DOCK4: variants seen among roughly 807,000 people sequenced by gnomAD.
DOCK4 encodes dedicator of cytokinesis protein 4.
DOCK4 carries 97 observed loss-of-function variants against 268.1 expected under a neutral mutation model. The observed-to-expected ratio is 0.36, with a 90% CI of 0.31 to 0.43. The LOEUF is 0.43. Ranked by LOEUF, DOCK4 falls within the 20% of genes least tolerant of loss-of-function variation. The probability of loss-of-function intolerance (pLI) is 1.00; values close to 1 mark genes in which losing one functional copy is unlikely to be tolerated. For synonymous variants in DOCK4, 954 were observed against 887.2 expected, an observed-to-expected ratio of 1.08 and a Z score of -1.34; for missense variants, 2,145 against 2,455.7, an observed-to-expected ratio of 0.87 and a Z score of 2.67.
intron 36 of DOCK4, among the ~76,000 whole-genome samples, chr7:111,774,150 AAC>A (rs1285869770): frequency 2.0e-5 from 3 of 152,304 alleles, no homozygotes; most frequent in East Asian, 1.9e-4. Context: ...ATTAATAAAA[AAC>A]AGTTTGATAG....
intron 26 of DOCK4, among the ~76,000 whole-genome samples, chr7:111,826,024 G>A (rs1802360966): frequency 1.3e-5 from 2 of 152,220 alleles, no homozygotes; most frequent in African/African-American, 4.8e-5. Context: ...CATGCAGCAG[G>A]TGTTTATGGA....
chr7:112,012,630 A>T (rs1801437381), intron 1 of DOCK4, among the ~76,000 whole-genome samples: 1 of 152,204 alleles, frequency 6.6e-6, no homozygotes, highest in Non-Finnish European at 1.5e-5. Flanking sequence ...TTTCCAACCA[A>T]TTGTACTTAA....
chr7:112,182,408 T>C (rs1819135815), intron 1 of DOCK4, among the ~76,000 whole-genome samples: 1 of 152,218 alleles, frequency 6.6e-6, no homozygotes. Flanking sequence ...GTGATCACAT[T>C]TTTAAAATTA....
chr7:112,196,664 G>T (rs1280198723), intron 1 of DOCK4, among the ~76,000 whole-genome samples: 1 of 152,072 alleles, frequency 6.6e-6, no homozygotes, highest in East Asian at 1.9e-4. Flanking sequence ...AGGGGCAATG[G>T]GTCTTCCTGT....
chr7:112,154,841 G>A (rs1275880026), intron 1 of DOCK4, among the ~76,000 whole-genome samples: 1 of 152,122 alleles, frequency 6.6e-6, no homozygotes, highest in South Asian at 2.1e-4. Context: ...GCCAGGCTAC[G>A]GGCATGCAAT....
intron 28 of DOCK4, among the ~76,000 whole-genome samples, chr7:111,810,158 A>G (rs536731481): frequency 1.9e-4 from 29 of 152,348 alleles, no homozygotes; most frequent in African/African-American, 6.7e-4. Context: ...AATAATGAAT[A>G]AAAGTCAAGA....
chr7:111,857,695 T>A (rs1805124368), intron 23 of DOCK4, among the ~76,000 whole-genome samples: 1 of 152,136 alleles, frequency 6.6e-6, no homozygotes, highest in African/African-American at 2.4e-5. Flanking sequence ...CTCTAGCAGA[T>A]CTGACCTCGC....
intron 1 of DOCK4, among the ~76,000 whole-genome samples, chr7:112,007,479 T>C (rs1321863094): frequency 2.0e-5 from 3 of 152,210 alleles, no homozygotes; most frequent in East Asian, 1.9e-4. Context: ...TTTCAGGCTA[T>C]AGTTCAAGGA....
chr7:111,840,347 T>A (rs1030632917), intron 25 of DOCK4, among the ~76,000 whole-genome samples: 5 of 152,170 alleles, frequency 3.3e-5, no homozygotes, highest in Admixed American at 3.3e-4. Context: ...CCCAGAAGAA[T>A]CACATGCTCC....
intron 1 of DOCK4, among the ~76,000 whole-genome samples, chr7:112,114,984 C>A (rs1026010717): frequency 1.3e-5 from 2 of 152,168 alleles, no homozygotes; most frequent in African/African-American, 4.8e-5. Flanking sequence ...CTACTAAAGA[C>A]CATTAAAACC....
At chr7:111,900,340 T>C (rs758270577) in intron 15 of DOCK4, 34 bp downstream of exon 15, 31 of 1,604,664 alleles carry the variant, frequency 1.9e-5, no homozygotes, top group South Asian at 1.6e-4. Context: ...TCCAGCACAA[T>C]AGACACAGGT....
intron 1 of DOCK4, among the ~76,000 whole-genome samples, chr7:112,043,392 T>C (rs571211880): frequency 1.3e-5 from 2 of 152,350 alleles, no homozygotes; most frequent in African/African-American, 4.8e-5. Context: ...TTACTTGTTT[T>C]GATTAGTACA....
At chr7:111,763,884 G>A (rs779092415) in intron 39 of DOCK4, among the ~76,000 whole-genome samples, 5 of 152,094 alleles carry the variant, frequency 3.3e-5, no homozygotes, top group South Asian at 2.1e-4. Context: ...CATTTTCTGG[G>A]GGTCTTGCTC....
chr7:111,762,034 G>T (rs1435106816), intron 39 of DOCK4, among the ~76,000 whole-genome samples: 1 of 148,098 alleles, frequency 6.8e-6, no homozygotes, highest in Non-Finnish European at 1.5e-5. Flanking sequence ...AACAAACAAT[G>T]CTTATATATG....
At chr7:112,190,216 T>C (rs1299532674) in intron 1 of DOCK4, among the ~76,000 whole-genome samples, 1 of 152,190 alleles carries the variant, frequency 6.6e-6, no homozygotes, top group Non-Finnish European at 1.5e-5. Context: ...ACAGGTTAGC[T>C]CTGTGTTACC....
At chr7:112,063,661 T>A (rs939528346) in intron 1 of DOCK4, among the ~76,000 whole-genome samples, 4 of 152,210 alleles carry the variant, frequency 2.6e-5, no homozygotes, top group African/African-American at 9.7e-5. Flanking sequence ...GTCGGGACTC[T>A]GTACAATCAT....
At chr7:111,747,988 T>C (rs1041044351) in intron 42 of DOCK4, among the ~76,000 whole-genome samples, 3 of 152,148 alleles carry the variant, frequency 2.0e-5, no homozygotes, top group Non-Finnish European at 4.4e-5. Context: ...TTGGGAATTA[T>C]AGAAAACAAG....
chr7:111,953,463 G>C (rs1466966587), intron 8 of DOCK4, among the ~76,000 whole-genome samples: 1 of 152,168 alleles, frequency 6.6e-6, no homozygotes, highest in African/African-American at 2.4e-5. Context: ...CCTGCATTCT[G>C]TCAAATGTTT....
chr7:112,196,752 T>C (rs1377335025), intron 1 of DOCK4, among the ~76,000 whole-genome samples: 1 of 152,206 alleles, frequency 6.6e-6, no homozygotes, highest in Non-Finnish European at 1.5e-5. Flanking sequence ...TTTTCTCTTT[T>C]TAATCCAGCT....
Sources: gnomAD v4.1 joint callset for allele counts (sites outside exome capture counted in the v4.1 genomes callset) on GRCh38, gnomAD v4.1.1 for gene constraint, MANE v1.5 for transcripts, NCBI Gene and HGNC (gene_info 2026-07-23, HGNC 2026-07-21) for gene names.